Variants in CHRM5 observed in about 807,000 individuals in gnomAD.
The protein encoded by CHRM5 is cholinergic receptor muscarinic 5, also known as muscarinic acetylcholine receptor M5.
Under a neutral mutation model 39.0 loss-of-function variants are expected in CHRM5, and 18 were observed. That is an observed-to-expected ratio of 0.46 (90% CI 0.32 to 0.68). The LOEUF (loss-of-function observed/expected upper bound fraction) is 0.68. Ranked by LOEUF, CHRM5 falls within the 30% of genes least tolerant of loss-of-function variation. CHRM5 has a pLI of 0.04. For missense variants in CHRM5, 515 were observed against 651.1 expected (o/e 0.79, Z 2.28); for synonymous variants, 241 against 246.3 (o/e 0.98, Z 0.20).
intron 1 of CHRM5, among the ~76,000 whole-genome samples, chr15:34,023,157 G>A (rs1707396384): frequency 2.0e-5 from 3 of 152,044 alleles, no homozygotes; most frequent in Admixed American, 1.3e-4. Context: ...CTCCAGCCTG[G>A]CAACAGAGCG....
Position 34,063,835 on chromosome 15 carries a change from G to A in CHRM5, c.1118G>A (p.Ser373Asn), listed in dbSNP as rs1567494809. 1.1e-5 allele frequency: 17 copies of A among 1,614,166 alleles called. No individual in the cohort carries two copies. The highest frequency in any genetic ancestry group is 1.4e-5 in the Non-Finnish European group (17 of 1,180,038). Residue 373 changes from serine (S) to asparagine (N), a missense_variant, in exon 3 of 3, where the codon AGT becomes AAT. Ser to Asn is a conservative substitution (Grantham distance 46). Transcript: ENST00000383263. The surrounding 1 kb of genome is among the most constrained non-coding windows in gnomAD (Gnocchi z 4.1). ...CCAGCAGCTGCTCATAGACCCAAGAGTCAGAAATGTGTGGCCTATAAGTTC... is the reference window on the plus strand; with the variant it reads ...CCAGCAGCTGCTCATAGACCCAAGAATCAGAAATGTGTGGCCTATAAGTTC... ...LSPAAAHRPK[S>N]QKCVAYKFRL...
In CHRM5 at chr15:34,065,659, TTGACA is replaced by T. The variant is rs1900491165; in HGVS notation, c.*1346_*1350del. The T allele has an allele frequency of 6.6e-6, 1 of 152,090 alleles. No homozygotes were observed. Among genetic ancestry groups the T allele is most frequent in the East Asian group, 1.9e-4 (1 of 5,186 alleles). The allele number at this position is 152,090 out of a possible 1,614,324, so 9.4% of individuals were successfully genotyped here. A position where few individuals can be genotyped will look rare whatever the true frequency, so the allele number is the denominator to read the frequency against. On this transcript the variant is annotated 3_prime_UTR_variant, in exon 3 of 3. Coordinates refer to ENST00000383263, the MANE Select transcript of CHRM5 (RefSeq NM_012125.4). ...ATAGTAATACATAAAAATAAAACAG[TTGACA>T]TGCATGACAGCATGAGGATTATTAA... is the stretch of plus-strand genomic sequence containing the variant.
intron 1 of CHRM5, among the ~76,000 whole-genome samples, chr15:33,971,818 G>A (rs1057420266): frequency 1.3e-5 from 2 of 151,792 alleles, no homozygotes; most frequent in Admixed American, 1.3e-4. Context: ...TTTTCCTTAT[G>A]AAGTGACCAA....
chr15:34,005,496 A>T (rs1897304441), intron 1 of CHRM5, among the ~76,000 whole-genome samples: 1 of 152,210 alleles, frequency 6.6e-6, no homozygotes, highest in Admixed American at 6.5e-5. Flanking sequence ...AATGGAGTCA[A>T]GCTAAATATT....
In CHRM5 at chr15:34,061,683, G is replaced by GA. The variant is rs971447544; in HGVS notation, c.-75-954dup. On this transcript the variant is annotated intron_variant, in intron 2 of 2. Coordinates refer to ENST00000383263, the MANE Select transcript of CHRM5 (RefSeq NM_012125.4). Reference sequence around the variant, plus strand: ...TAAGGAATGTATTACTCTATAACCAGAAAAAAGATAACCTAAAACAATTCT... The same window carrying GA: ...TAAGGAATGTATTACTCTATAACCAGAAAAAAAGATAACCTAAAACAATTCT... 4.6e-5 allele frequency among the ~76,000 whole-genome samples: 7 copies of GA among 152,120 alleles called. No individual in the cohort carries two copies. The South Asian group carries it at 6.2e-4, about 14-fold the overall frequency.
chr15:34,006,864 G>C (rs901052435), intron 1 of CHRM5, among the ~76,000 whole-genome samples: 2 of 152,174 alleles, frequency 1.3e-5, no homozygotes, highest in Non-Finnish European at 2.9e-5. Context: ...AGGTTTTATA[G>C]GTTCATTGTG....
chr15:34,027,896 T>C (rs1310718550), intron 1 of CHRM5, among the ~76,000 whole-genome samples: 1 of 151,584 alleles, frequency 6.6e-6, no homozygotes, highest in Non-Finnish European at 1.5e-5. Flanking sequence ...AAGAGGGCAT[T>C]GTAGAACGTT....
At chr15:34,038,654 AGGCGCCGGCGCCGCCGCCCGTCT>A (rs1899283370) in intron 1 of CHRM5, 48 of 854,736 alleles carry the variant, frequency 5.6e-5, no homozygotes, top group Non-Finnish European at 5.4e-5. Context: ...CGTCCCGCGC[AGGCGCCGGCGCCGCCGCCCGTCT>A]GGCGCGCGCC....
rs778271152 is a variant in CHRM5 at position 34,063,306 on chromosome 15, A to G, written c.589A>G (p.Thr197Ala). ...FLSEPTITFG[T>A]AIAAFYIPVS... ...CTCTGAGCCCACCATCACTTTTGGC[A>G]CTGCCATTGCTGCCTTCTACATCCC... The change falls in exon 3 of 3, where the codon ACT becomes GCT. Residue 197 changes from threonine (T) to alanine (A), a missense_variant. Transcript: ENST00000383263. This position sits in a 1 kb window ranked among gnomAD's most constrained non-coding sequence, Gnocchi z 4.1. 1 of 1,614,080 alleles carries G rather than the reference A, an allele frequency of 6.2e-7. No homozygotes were observed. The highest frequency in any genetic ancestry group is 1.1e-5 in the South Asian group (1 of 91,080).
intron 1 of CHRM5, among the ~76,000 whole-genome samples, chr15:34,027,501 C>A (rs138700903): frequency 1.4e-5 from 2 of 147,382 alleles, no homozygotes; most frequent in African/African-American, 4.9e-5. Flanking sequence ...TGCACTCCAG[C>A]CTGGATGACA....
At chr15:34,062,203 G>C (rs1900356348) in intron 2 of CHRM5, among the ~76,000 whole-genome samples, 1 of 152,202 alleles carries the variant, frequency 6.6e-6, no homozygotes, top group African/African-American at 2.4e-5. Context: ...TCAAACTTTA[G>C]AGATTTCAGC....
At chr15:34,031,230 A>G (rs190426460) in intron 1 of CHRM5, among the ~76,000 whole-genome samples, 2 of 125,480 alleles carry the variant, frequency 1.6e-5, no homozygotes, top group African/African-American at 3.1e-5. Flanking sequence ...GCTGGAATGC[A>G]ATGGCGCGAT....
At chr15:34,043,368 T>C (rs1899558022) in intron 1 of CHRM5, among the ~76,000 whole-genome samples, 2 of 152,192 alleles carry the variant, frequency 1.3e-5, no homozygotes, top group South Asian at 2.1e-4. Context: ...GTGGGGAAAG[T>C]ACCTCTTCCT....
intron 1 of CHRM5, among the ~76,000 whole-genome samples, chr15:34,003,619 A>G (rs1597337163): frequency 6.6e-6 from 1 of 152,228 alleles, no homozygotes; most frequent in East Asian, 1.9e-4. Context: ...CATGTTTAAA[A>G]GCTTTATTTA....
chr15:34,040,500 T>C (rs982993213), intron 1 of CHRM5, among the ~76,000 whole-genome samples: 2 of 152,196 alleles, frequency 1.3e-5, no homozygotes, highest in African/African-American at 2.4e-5. Context: ...AGAGCACTTA[T>C]ATGCACCAAA....
rs1895507560 is a variant in CHRM5, at chr15:33,968,943, A to C, written c.-615A>C. ...CAAAACTCACCCTTCTGGTTCTATAATCCTATCCAAATGGAGTCTTCATCT... is the reference window on the plus strand; with the variant it reads ...CAAAACTCACCCTTCTGGTTCTATACTCCTATCCAAATGGAGTCTTCATCT... On this transcript the variant is annotated 5_prime_UTR_variant, in exon 1 of 3. Coordinates refer to ENST00000383263, the MANE Select transcript of CHRM5 (RefSeq NM_012125.4). The C allele has an allele frequency of 6.6e-6, 1 of 152,092 alleles. No individual in the cohort carries two copies. Among genetic ancestry groups the C allele is most frequent in the Admixed American group, 6.6e-5 (1 of 15,250 alleles). 9.4% of individuals were successfully genotyped at this position (152,092 alleles called of 1,614,324 possible). A position where few individuals can be genotyped will look rare whatever the true frequency, so the allele number is the denominator to read the frequency against.
At chr15:33,978,223 C>G (rs192456262) in intron 1 of CHRM5, among the ~76,000 whole-genome samples, 1 of 152,130 alleles carries the variant, frequency 6.6e-6, no homozygotes, top group East Asian at 1.9e-4. Context: ...CAAAGTGACA[C>G]GTATTACTAA....
intron 2 of CHRM5, among the ~76,000 whole-genome samples, chr15:34,060,563 G>C (rs189755390): frequency 6.6e-6 from 1 of 152,268 alleles, no homozygotes; most frequent in African/African-American, 2.4e-5. Flanking sequence ...TTGCCCACAT[G>C]GGGTATTTTA....
intron 1 of CHRM5, among the ~76,000 whole-genome samples, chr15:34,013,986 G>A (rs1897753145): frequency 6.6e-6 from 1 of 152,160 alleles, no homozygotes; most frequent in Admixed American, 6.5e-5. Context: ...CTTGGTATTA[G>A]CAAAGAACGT....
Sources: allele counts gnomAD v4.1 joint callset (sites outside exome capture counted in the v4.1 genomes callset), GRCh38; gene constraint gnomAD v4.1.1; non-coding constraint Gnocchi (gnomAD v3.1); transcripts MANE v1.5; gene names NCBI Gene and HGNC (gene_info 2026-07-23, HGNC 2026-07-21).